The following BMP6 variants were observed in gnomAD, a reference collection of about 807,000 sequenced individuals.
The protein encoded by BMP6 is bone morphogenetic protein 6, also known as VG-1-R.
Under a neutral mutation model 54.1 loss-of-function variants are expected in BMP6, and 17 were observed. The observed-to-expected ratio is 0.31, with a 90% CI of 0.22 to 0.47. BMP6 has a LOEUF of 0.47. BMP6 is among the 20% of genes least tolerant of loss of function. The pLI, the probability that BMP6 is intolerant of heterozygous loss-of-function variation, is 1.00. For missense variants in BMP6, 720 were observed against 690.4 expected (o/e 1.04, Z -0.48); for synonymous variants, 328 against 291.2 (o/e 1.13, Z -1.28).
intron 1 of BMP6, among the ~76,000 whole-genome samples, chr6:7,728,163 C>G (rs911919078): frequency 1.3e-5 from 2 of 152,008 alleles, no homozygotes; most frequent in Non-Finnish European, 2.9e-5. Flanking sequence ...ATCCACGGCA[C>G]TAGGGGAGGT....
intron 1 of BMP6, among the ~76,000 whole-genome samples, chr6:7,760,422 G>C (rs1405456310): frequency 6.6e-6 from 1 of 151,960 alleles, no homozygotes; most frequent in Non-Finnish European, 1.5e-5. Flanking sequence ...GGGTGACTTT[G>C]GGCAAGTAGT....
chr6:7,749,759 C>T (rs1339055842), intron 1 of BMP6, among the ~76,000 whole-genome samples: 1 of 152,106 alleles, frequency 6.6e-6, no homozygotes, highest in African/African-American at 2.4e-5. Context: ...GGCATCACTA[C>T]CAGGTTTGAC....
At chr6:7,798,078 C>T (rs191167487) in intron 1 of BMP6, among the ~76,000 whole-genome samples, 2 of 152,182 alleles carry the variant, frequency 1.3e-5, no homozygotes, top group Non-Finnish European at 2.9e-5. Flanking sequence ...TAAGTCTAAT[C>T]TTATAGTCTG....
chr6:7,747,923 G>A (rs1757370293), intron 1 of BMP6, among the ~76,000 whole-genome samples: 1 of 152,170 alleles, frequency 6.6e-6, no homozygotes, highest in Non-Finnish European at 1.5e-5. Flanking sequence ...TGGGATTATA[G>A]GCGTGAGCCA....
At chr6:7,784,403 CTG>C (rs1757992746) in intron 1 of BMP6, among the ~76,000 whole-genome samples, 3 of 151,320 alleles carry the variant, frequency 2.0e-5, no homozygotes, top group African/African-American at 7.3e-5. Flanking sequence ...CTCGATGGGT[CTG>C]TGTGTAGGCG....
Position 7,830,980 on chromosome 6 carries a change from G to A in BMP6, c.665-14160G>A, listed in dbSNP as rs116653763. ...ATATGCCCCAAAGAACTGAAAACAC[G>A]TACTCACATACAAGTACATGCATGT... On this transcript the variant is annotated intron_variant, in intron 1 of 6. Transcript: ENST00000283147. 8.9e-3 allele frequency among the ~76,000 whole-genome samples: 1,349 copies of A among 152,264 alleles called. 24 individuals carry two copies. Among genetic ancestry groups the A allele is most frequent in the African/African-American group, 0.031 (1,296 of 41,544 alleles).
At chr6:7,758,211 A>G (rs1240843946) in intron 1 of BMP6, among the ~76,000 whole-genome samples, 2 of 152,258 alleles carry the variant, frequency 1.3e-5, no homozygotes, top group African/African-American at 4.8e-5. Context: ...TGGAAAGATG[A>G]CAGTCCATAC....
chr6:7,773,293 C>T (rs543930216), intron 1 of BMP6, among the ~76,000 whole-genome samples: 2 of 152,264 alleles, frequency 1.3e-5, no homozygotes, highest in South Asian at 2.1e-4. Flanking sequence ...TAGATTATGC[C>T]GTTTTAGGCA....
At chr6:7,764,182 G>T (rs958207337) in intron 1 of BMP6, among the ~76,000 whole-genome samples, 1 of 152,200 alleles carries the variant, frequency 6.6e-6, no homozygotes, top group Non-Finnish European at 1.5e-5. Context: ...GGCTGTTGGA[G>T]CATGGAGAAT....
At chr6:7,783,578 C>A (rs1013446593) in intron 1 of BMP6, among the ~76,000 whole-genome samples, 9 of 152,374 alleles carry the variant, frequency 5.9e-5, no homozygotes, top group African/African-American at 2.2e-4. Flanking sequence ...TACGATAAAT[C>A]ACGCCAAGGG....
At chr6:7,834,397 T>C (rs1758840908) in intron 1 of BMP6, among the ~76,000 whole-genome samples, 2 of 151,750 alleles carry the variant, frequency 1.3e-5, no homozygotes, top group Admixed American at 6.6e-5. Context: ...GGCACCAAGT[T>C]AGAAAATGCA....
Position 7,845,210 on chromosome 6 carries a change from T to C in BMP6, c.735T>C (p.Ile245=). The C allele has an allele frequency of 6.2e-7, 1 of 1,614,186 alleles. No individual in the cohort carries two copies. The highest frequency in any genetic ancestry group is 1.1e-5 in the South Asian group (1 of 91,084). Residue 245 remains isoleucine, a synonymous_variant, in exon 2 of 7, where the codon ATT becomes ATC. Transcript: ENST00000283147. The part of the protein sequence containing the change: ...HKEFKFNLSQ[I]PEGEVVTAAE... ...AGTTCAAGTTCAACTTATCCCAGAT[T>C]CCTGAGGGTGAGGTGGTGACGGCTG...
intron 1 of BMP6, among the ~76,000 whole-genome samples, chr6:7,828,315 G>C (rs1283928760): frequency 1.3e-5 from 2 of 152,230 alleles, no homozygotes; most frequent in South Asian, 4.1e-4. Context: ...AGGACGTGGG[G>C]ATCCAAGTTT....
At chr6:7,834,825 G>A (rs1324499013) in intron 1 of BMP6, among the ~76,000 whole-genome samples, 2 of 152,192 alleles carry the variant, frequency 1.3e-5, no homozygotes, top group South Asian at 2.1e-4. Flanking sequence ...AAAATCAGTA[G>A]CTAAGAGATG....
intron 4 of BMP6, among the ~76,000 whole-genome samples, chr6:7,878,018 A>G (rs1759649158): frequency 6.6e-6 from 1 of 152,014 alleles, no homozygotes; most frequent in South Asian, 2.1e-4. Context: ...TAGGCCATTC[A>G]TTTCTCCAGC....
intron 2 of BMP6, among the ~76,000 whole-genome samples, chr6:7,849,810 GT>G (rs1210985105): frequency 6.6e-6 from 1 of 152,158 alleles, no homozygotes; most frequent in Non-Finnish European, 1.5e-5. Flanking sequence ...GAAATTCCGT[GT>G]TCTGCTCTCT....
intron 1 of BMP6, among the ~76,000 whole-genome samples, chr6:7,771,223 C>T (rs953358125): frequency 5.3e-5 from 8 of 152,290 alleles, no homozygotes; most frequent in East Asian, 1.9e-4. Context: ...GTTTGATAAA[C>T]GTTAATTACT....
intron 1 of BMP6, among the ~76,000 whole-genome samples, chr6:7,844,344 G>GA (rs1759024385): frequency 6.9e-6 from 1 of 145,196 alleles, no homozygotes; most frequent in Non-Finnish European, 1.5e-5. Flanking sequence ...TTTCCCCCCA[G>GA]TTTTTTTTTT....
At chr6:7,738,055 G>A (rs1761988346) in intron 1 of BMP6, among the ~76,000 whole-genome samples, 1 of 151,730 alleles carries the variant, frequency 6.6e-6, no homozygotes, top group South Asian at 2.1e-4. Context: ...AACTGTATTG[G>A]CTAGATCAGC....
Sources: allele counts gnomAD v4.1 joint callset (sites outside exome capture counted in the v4.1 genomes callset), GRCh38; gene constraint gnomAD v4.1.1; transcripts MANE v1.5; gene names NCBI Gene and HGNC (gene_info 2026-07-23, HGNC 2026-07-21).